The following RNF217 variants were observed in gnomAD, a reference collection of about 807,000 sequenced individuals.
RNF217 encodes E3 ubiquitin-protein ligase RNF217.
Under a neutral mutation model 57.8 loss-of-function variants are expected in RNF217, and 31 were observed. That is an observed-to-expected ratio of 0.54 (90% CI 0.40 to 0.72). RNF217 has a LOEUF of 0.72. Ranked by LOEUF, RNF217 falls within the 30% of genes least tolerant of loss-of-function variation. The pLI is 0.00. For synonymous variants in RNF217, 313 were observed against 294.0 expected (o/e 1.06, Z -0.66); for missense variants, 696 against 708.3 (o/e 0.98, Z 0.20).
chr6:124,985,194 T>C lies in RNF217; in HGVS notation c.882+21768T>C, dbSNP rs1784329055. On this transcript the variant is annotated intron_variant, in intron 1 of 5. Transcript: ENST00000521654. Reference sequence around the variant, plus strand: ...GGTTAGGATAGGGGAAAAAGGGATGTTCACACACTGTTTGTTCCCAGAAAA... The same window carrying C: ...GGTTAGGATAGGGGAAAAAGGGATGCTCACACACTGTTTGTTCCCAGAAAA... 3.3e-5 allele frequency among the ~76,000 whole-genome samples: 5 copies of C among 152,342 alleles called. No homozygotes were observed. In the South Asian group the frequency reaches 1.0e-3, roughly 32 times the overall value.
intron 1 of RNF217, among the ~76,000 whole-genome samples, chr6:125,005,388 A>G (rs1459636198): frequency 6.6e-6 from 1 of 152,228 alleles, no homozygotes; most frequent in East Asian, 1.9e-4. Flanking sequence ...AAAGACAAAT[A>G]TGGCTTGCAT....
rs184452440 is a variant in RNF217, at chr6:124,986,136, T to C, written c.882+22710T>C. Among the ~76,000 whole-genome samples the C allele has an allele frequency of 1.9e-4, 29 of 152,340 alleles. No homozygotes were observed. The East Asian group carries it at 5.4e-3, about 28-fold the overall frequency. ...CTCCATTAGAGGAGTATAATTCAGA[T>C]TGCATTCCTCAATTACCCTTCCAAG... is the stretch of plus-strand genomic sequence containing the variant. On this transcript the variant is annotated intron_variant, in intron 1 of 5. Coordinates refer to ENST00000521654, the MANE Select transcript of RNF217 (RefSeq NM_001286398.3).
At chr6:125,035,732 T>C (rs575140910) in intron 1 of RNF217, among the ~76,000 whole-genome samples, 118 of 152,298 alleles carry the variant, frequency 7.7e-4, no homozygotes, top group African/African-American at 2.7e-3. Flanking sequence ...TTTCCCAAGG[T>C]CATGAAGATG....
chr6:125,089,592 A>G lies in RNF217; in HGVS notation c.*6655A>G, dbSNP rs1045417352. ...GCAAGTGTTTGACTTTTTTATTGAT[A>G]TGATTTAGATATGCCACACTCAATA... is the stretch of plus-strand genomic sequence containing the variant. On this transcript the variant is annotated 3_prime_UTR_variant, in exon 6 of 6. Coordinates refer to ENST00000521654, the MANE Select transcript of RNF217 (RefSeq NM_001286398.3). 6.6e-5 allele frequency: 10 copies of G among 152,166 alleles called. No homozygotes were observed. The highest frequency in any genetic ancestry group is 2.2e-4 in the African/African-American group (9 of 41,424). The allele number at this position is 152,166 out of a possible 1,614,324, so 9.4% of individuals were successfully genotyped here.
intron 1 of RNF217, among the ~76,000 whole-genome samples, chr6:125,001,287 T>C (rs535458346): frequency 6.6e-6 from 1 of 152,304 alleles, no homozygotes; most frequent in African/African-American, 2.4e-5. Context: ...TACCAGTTTT[T>C]GTGTGTTTGT....
chr6:125,060,951 A>C (rs926089177), intron 3 of RNF217, among the ~76,000 whole-genome samples: 15 of 152,310 alleles, frequency 9.8e-5, no homozygotes, highest in African/African-American at 3.4e-4. Flanking sequence ...TAATATCATT[A>C]CTATTTTCAC....
intron 1 of RNF217, among the ~76,000 whole-genome samples, chr6:124,967,487 G>A (rs1373531291): frequency 2.0e-5 from 3 of 152,168 alleles, no homozygotes; most frequent in Non-Finnish European, 4.4e-5. Context: ...ATGCCAAAGG[G>A]GCTTGCTGAA....
chr6:125,015,025 G>T (rs1785551181), intron 1 of RNF217, among the ~76,000 whole-genome samples: 1 of 152,076 alleles, frequency 6.6e-6, no homozygotes, highest in South Asian at 2.1e-4. Flanking sequence ...CAGAAAGCCA[G>T]CAACATTGCC....
chr6:125,011,115 C>T (rs896098617), intron 1 of RNF217, among the ~76,000 whole-genome samples: 3 of 151,890 alleles, frequency 2.0e-5, no homozygotes, highest in African/African-American at 4.8e-5. Context: ...GAAATGGAGC[C>T]GTTAAAAGGG....
At chr6:124,973,885 C>T (rs1783855818) in intron 1 of RNF217, among the ~76,000 whole-genome samples, 1 of 152,198 alleles carries the variant, frequency 6.6e-6, no homozygotes, top group Non-Finnish European at 1.5e-5. Flanking sequence ...AAGGCCTCAG[C>T]CAGTCAGTTC....
intron 5 of RNF217, among the ~76,000 whole-genome samples, 162 bp downstream of exon 5, chr6:125,081,669 G>A (rs558162617): frequency 6.6e-6 from 1 of 152,062 alleles, no homozygotes; most frequent in East Asian, 1.9e-4. Context: ...GGTCAGAGGA[G>A]CGTGTTTCCT....
At chr6:125,073,143 C>T (rs1193128889) in intron 3 of RNF217, among the ~76,000 whole-genome samples, 1 of 152,158 alleles carries the variant, frequency 6.6e-6, no homozygotes, top group Non-Finnish European at 1.5e-5. Context: ...GTTGAATGTA[C>T]GATGCTTTGG....
At chr6:125,009,395 AT>A in intron 1 of RNF217, 2 of 654,454 alleles carry the variant, frequency 3.1e-6, no homozygotes, top group Non-Finnish European at 2.7e-6. Context: ...GGAAGAGTAG[AT>A]TTTTTCACTT....
intron 1 of RNF217, among the ~76,000 whole-genome samples, chr6:125,002,897 TG>T (rs1262059006): frequency 6.6e-6 from 1 of 152,176 alleles, no homozygotes; most frequent in Non-Finnish European, 1.5e-5. Context: ...GTAATAGTTC[TG>T]GGTCTACAGC....
chr6:124,982,128 G>A (rs536265223), intron 1 of RNF217, among the ~76,000 whole-genome samples: 1 of 151,262 alleles, frequency 6.6e-6, no homozygotes. Flanking sequence ...TATTTTTGTA[G>A]CTATCTTATT....
chr6:125,025,834 A>T (rs1582723470), intron 1 of RNF217, among the ~76,000 whole-genome samples: 1 of 152,348 alleles, frequency 6.6e-6, no homozygotes, highest in Non-Finnish European at 1.5e-5. Flanking sequence ...AGTGGGGAAC[A>T]GAAAGTTGAA....
At position 124,962,496 on chromosome 6, in the gene RNF217, G is replaced by C. The variant is rs1275845847; in HGVS notation, c.-49G>C. 36 of 978,732 alleles carry C rather than the reference G, an allele frequency of 3.7e-5. No homozygotes were observed. Among genetic ancestry groups the C allele is most frequent in the Non-Finnish European group, 4.6e-5 (36 of 784,824 alleles). The allele number at this position is 978,732 out of a possible 1,614,324, so 60.6% of individuals were successfully genotyped here. On this transcript the variant is annotated 5_prime_UTR_variant, in exon 1 of 6. Transcript: ENST00000521654. This position sits in a 1 kb window ranked among gnomAD's most constrained non-coding sequence, Gnocchi z 4.6. Reference sequence around the variant, plus strand: ...CCCCGCTGCCCGCGGGCGCCGGGTGGGGGTCCCGGCGGCTGGATGGGCAGC... The same window carrying C: ...CCCCGCTGCCCGCGGGCGCCGGGTGCGGGTCCCGGCGGCTGGATGGGCAGC...
At chr6:125,041,471 T>C (rs1159448120) in intron 1 of RNF217, among the ~76,000 whole-genome samples, 1 of 152,152 alleles carries the variant, frequency 6.6e-6, no homozygotes, top group East Asian at 1.9e-4. Context: ...ACAAGGCCCA[T>C]GTGATCTGTC....
intron 1 of RNF217, among the ~76,000 whole-genome samples, chr6:125,037,117 A>G (rs1786666374): frequency 6.7e-6 from 1 of 149,052 alleles, no homozygotes; most frequent in Non-Finnish European, 1.5e-5. Flanking sequence ...TGTAGTGTTC[A>G]TATGGAAGTG....
Sources: gnomAD v4.1 joint callset for allele counts (sites outside exome capture counted in the v4.1 genomes callset) on GRCh38, gnomAD v4.1.1 for gene constraint, Gnocchi (gnomAD v3.1) non-coding constraint, MANE v1.5 for transcripts, NCBI Gene and HGNC (gene_info 2026-07-23, HGNC 2026-07-21) for gene names.